HIVEP3: variants seen among roughly 807,000 people sequenced by gnomAD.
The protein encoded by HIVEP3 is transcription factor HIVEP3.
In HIVEP3, 49 loss-of-function variants were observed where a neutral mutation model predicts 152.8. That is an observed-to-expected ratio of 0.32 (90% CI 0.26 to 0.41). The LOEUF (loss-of-function observed/expected upper bound fraction) is 0.41, where lower values mean the gene tolerates loss of function less well. Among genes scored for constraint, HIVEP3 ranks in the 10% least tolerant of loss-of-function variants. The pLI is 1.00. For missense variants in HIVEP3, 2,790 were observed against 3,103.3 expected (o/e 0.90, Z 2.40); for synonymous variants, 1,269 against 1,289.0 (o/e 0.98, Z 0.33).
chr1:41,850,100 A>G (rs4660580), intron 1 of HIVEP3, among the ~76,000 whole-genome samples: 3 of 152,174 alleles, frequency 2.0e-5, no homozygotes, highest in African/African-American at 4.8e-5. Flanking sequence ...TTACACTCCT[A>G]CGGTTTTTTA....
At chr1:41,557,009 A>G (rs1643977141) in intron 5 of HIVEP3, among the ~76,000 whole-genome samples, 2 of 152,224 alleles carry the variant, frequency 1.3e-5, no homozygotes, top group African/African-American at 4.8e-5. Flanking sequence ...TTGTGTCAGT[A>G]CCACACTGTT....
chr1:41,990,037 C>T (rs1216705043), intron 1 of HIVEP3, among the ~76,000 whole-genome samples: 1 of 70,280 alleles, frequency 1.4e-5, no homozygotes, highest in African/African-American at 7.0e-5. Context: ...TACATTTTGG[C>T]ATGATTTTGC....
At chr1:42,012,588 G>C (rs1425408818) in intron 1 of HIVEP3, among the ~76,000 whole-genome samples, 1 of 152,186 alleles carries the variant, frequency 6.6e-6, no homozygotes, top group African/African-American at 2.4e-5. Context: ...TACTTGGAAG[G>C]CTGAGACAAG....
chr1:41,622,401 A>G (rs114460094), intron 3 of HIVEP3, among the ~76,000 whole-genome samples: 327 of 152,236 alleles, frequency 2.1e-3, no homozygotes, highest in African/African-American at 7.5e-3. Flanking sequence ...GTGGGGGAGG[A>G]AGAAGGATGG....
chr1:41,669,932 T>A (rs1411366199), intron 2 of HIVEP3, among the ~76,000 whole-genome samples: 2 of 152,194 alleles, frequency 1.3e-5, no homozygotes, highest in Admixed American at 6.5e-5. Context: ...AATCAGGACT[T>A]CCCTCAGATA....
At chr1:41,806,930 C>T (rs1354781097) in intron 1 of HIVEP3, among the ~76,000 whole-genome samples, 1 of 152,146 alleles carries the variant, frequency 6.6e-6, no homozygotes, top group Non-Finnish European at 1.5e-5. Flanking sequence ...ACAGCCCCTA[C>T]ACCTTCAGGA....
At chr1:41,882,558 A>AG (rs1282555594) in intron 1 of HIVEP3, among the ~76,000 whole-genome samples, 2 of 152,138 alleles carry the variant, frequency 1.3e-5, no homozygotes, top group African/African-American at 2.4e-5. Flanking sequence ...ATTAATAGCT[A>AG]GGCTTGATAG....
At chr1:41,527,333 C>T (rs1205934816) in intron 5 of HIVEP3, among the ~76,000 whole-genome samples, 4 of 48,484 alleles carry the variant, frequency 8.3e-5, no homozygotes, top group Non-Finnish European at 2.0e-4. Flanking sequence ...CTCACACACA[C>T]ATCCCACCTT....
At position 41,582,362 on chromosome 1, in the gene HIVEP3, G is replaced by C. The variant is rs143049088; in HGVS notation, c.2436C>G (p.Leu812=). 45 of 1,614,178 alleles carry C rather than the reference G, an allele frequency of 2.8e-5. No individual in the cohort carries two copies. In the African/African-American group the frequency reaches 4.3e-4, roughly 15 times the overall value. The change falls in exon 4 of 9, where the codon CTC becomes CTG. Residue 812 remains leucine (L), a synonymous_variant. Coordinates refer to ENST00000372583, the MANE Select transcript of HIVEP3 (RefSeq NM_024503.5). This position sits in a 1 kb window ranked among gnomAD's most constrained non-coding sequence, Gnocchi z 4.7. ...HTSSFEKSDS[L]EQPSGLEGED... is the part of the protein sequence containing the mutation. Reference sequence around the variant, plus strand: ...CCCCTTCCAAGCCACTCGGCTGCTCGAGAGAATCAGATTTCTCAAAGGAGC... The same window carrying C: ...CCCCTTCCAAGCCACTCGGCTGCTCCAGAGAATCAGATTTCTCAAAGGAGC...
At chr1:41,865,896 C>T (rs779821240) in intron 1 of HIVEP3, among the ~76,000 whole-genome samples, 4 of 152,176 alleles carry the variant, frequency 2.6e-5, no homozygotes, top group Non-Finnish European at 4.4e-5. Context: ...AACCACATAA[C>T]ACGGAGCTTT....
At chr1:41,915,040 T>C (rs1221850121) in intron 1 of HIVEP3, among the ~76,000 whole-genome samples, 1 of 152,198 alleles carries the variant, frequency 6.6e-6, no homozygotes, top group African/African-American at 2.4e-5. Context: ...GGCTTTATAG[T>C]TGTAATATAA....
At chr1:41,598,610 T>C (rs1644701141) in intron 3 of HIVEP3, among the ~76,000 whole-genome samples, 1 of 152,186 alleles carries the variant, frequency 6.6e-6, no homozygotes, top group African/African-American at 2.4e-5. Flanking sequence ...ATTTCTTCAT[T>C]TCTCCACTCA....
At chr1:41,719,799 G>A (rs1646649881) in intron 1 of HIVEP3, among the ~76,000 whole-genome samples, 1 of 152,236 alleles carries the variant, frequency 6.6e-6, no homozygotes, top group Non-Finnish European at 1.5e-5. Context: ...CCTGACTCAT[G>A]TTAGCACCAA....
At chr1:41,809,557 T>C (rs1391524750) in intron 1 of HIVEP3, among the ~76,000 whole-genome samples, 2 of 152,262 alleles carry the variant, frequency 1.3e-5, no homozygotes, top group Admixed American at 1.3e-4. Context: ...AATTCTGACA[T>C]GTAATTCAAC....
chr1:41,935,351 C>T (rs1645015175), intron 1 of HIVEP3, among the ~76,000 whole-genome samples: 1 of 152,154 alleles, frequency 6.6e-6, no homozygotes, highest in Admixed American at 6.6e-5. Context: ...CAGACTATCC[C>T]AGATGATGTT....
intron 1 of HIVEP3, among the ~76,000 whole-genome samples, chr1:41,882,974 T>C (rs942921287): frequency 5.3e-5 from 8 of 152,068 alleles, no homozygotes; most frequent in Admixed American, 2.0e-4. Flanking sequence ...AATTCTAGAT[T>C]AAAATAAGGG....
In HIVEP3 at chr1:41,889,076, C is replaced by G. The variant is rs552125508; in HGVS notation, c.-801+29337G>C. 2.7e-5 allele frequency among the ~76,000 whole-genome samples: 4 copies of G among 148,060 alleles called. No homozygotes were observed. The South Asian group carries it at 8.7e-4, about 32-fold the overall frequency. On this transcript the variant is annotated intron_variant, in intron 1 of 8. Transcript: ENST00000372583. ...CCACACAACACATACACCACACACA[C>G]CACACATACGCCACATACCTCACAC...
chr1:41,651,411 C>CAAAAAA (rs35508121), intron 2 of HIVEP3, among the ~76,000 whole-genome samples: 2 of 89,046 alleles, frequency 2.2e-5, no homozygotes, highest in Admixed American at 1.2e-4. Context: ...AACTCCATCT[C>CAAAAAA]AAAAAAAAAA....
At chr1:41,962,774 G>A (rs944859521) in intron 1 of HIVEP3, among the ~76,000 whole-genome samples, 1 of 152,182 alleles carries the variant, frequency 6.6e-6, no homozygotes, top group Non-Finnish European at 1.5e-5. Context: ...GAGCCCCACC[G>A]AACTCAAGCC....
Sources: allele counts gnomAD v4.1 joint callset (sites outside exome capture counted in the v4.1 genomes callset), GRCh38; gene constraint gnomAD v4.1.1; non-coding constraint Gnocchi (gnomAD v3.1); transcripts MANE v1.5; gene names NCBI Gene and HGNC (gene_info 2026-07-23, HGNC 2026-07-21).